TSC22D4: variants seen among roughly 807,000 people sequenced by gnomAD.
TSC22D4 encodes the protein TSC22 domain family protein 4.
TSC22D4 carries 5 observed loss-of-function variants against 24.9 expected under a neutral mutation model. The observed-to-expected ratio is 0.20, with a 90% confidence interval of 0.10 to 0.42. TSC22D4 has a LOEUF of 0.42. TSC22D4 is among the 10% of genes least tolerant of loss of function. The probability of loss-of-function intolerance (pLI) is 1.00; values close to 1 mark genes in which losing one functional copy is unlikely to be tolerated. For synonymous variants in TSC22D4, 245 were observed against 243.2 expected (o/e 1.01, Z -0.07); for missense variants, 469 against 547.9 (o/e 0.86, Z 1.44).
Position 100,474,391 on chromosome 7 carries a change from T to A in TSC22D4, c.812A>T (p.His271Leu). 6.2e-7 allele frequency: 1 copy of A among 1,613,898 alleles called. No individual in the cohort carries two copies. The highest frequency in any genetic ancestry group is 8.5e-7 in the Non-Finnish European group (1 of 1,179,968). Residue 271 changes from histidine to leucine, a missense_variant, in exon 3 of 5, where the codon CAC (histidine) becomes CTC (leucine). By Grantham distance (99) the His-to-Leu change is moderately conservative. Coordinates refer to ENST00000300181, the MANE Select transcript of TSC22D4 (RefSeq NM_030935.5). The surrounding 1 kb of genome is among the most constrained non-coding windows in gnomAD (Gnocchi z 4.3). The stretch of plus-strand genomic sequence containing the variant: ...AGATTTGTGAACCAGGCTGGCATCG[T>A]GGGTGAAGTAGAGGGCTGGGGAGCT... The part of the protein sequence containing the change: ...RPSSPALYFT[H>L]DASLVHKSPD...
rs767760638 is a variant in TSC22D4, at chr7:100,466,944, T to C, written c.*15A>G. The C allele has an allele frequency of 2.4e-5, 36 of 1,531,434 alleles. No homozygotes were observed. The highest frequency in any genetic ancestry group is 3.0e-5 in the Non-Finnish European group (34 of 1,136,826). 94.9% of individuals were successfully genotyped at this position (1,531,434 alleles called of 1,614,324 possible). ...GCCGGGCAGCCCCAAAGGCACATTG[T>C]AAGGGAAGGGAGGCTCAGACGGAGG... is the stretch of plus-strand genomic sequence containing the variant. On this transcript the variant is annotated 3_prime_UTR_variant, in exon 5 of 5. Coordinates refer to ENST00000300181, the MANE Select transcript of TSC22D4 (RefSeq NM_030935.5).
chr7:100,477,780 G>T lies in TSC22D4; in HGVS notation c.259C>A (p.Arg87Ser), dbSNP rs370900478. ...LPHGLGEPYR[R>S]GRWTCVDVYE... is the part of the protein sequence containing the mutation. ...ACATCCACACACGTCCAGCGACCGCGGCGATAAGGCTCTCCCAGGCCGTGG... is the reference window on the plus strand; with the variant it reads ...ACATCCACACACGTCCAGCGACCGCTGCGATAAGGCTCTCCCAGGCCGTGG... The change falls in exon 2 of 5, where the codon CGC becomes AGC. Residue 87 changes from arginine to serine, a missense_variant. Physicochemically the swap from Arg to Ser is moderately radical, Grantham distance 110. Coordinates refer to ENST00000300181, the MANE Select transcript of TSC22D4 (RefSeq NM_030935.5). The surrounding 1 kb of genome is among the most constrained non-coding windows in gnomAD (Gnocchi z 7.8). 1 of 1,606,746 alleles carries T rather than the reference G, an allele frequency of 6.2e-7. No homozygotes were observed. The highest frequency in any genetic ancestry group is 1.1e-5 in the South Asian group (1 of 91,004).
intron 4 of TSC22D4, 147 bp downstream of exon 4, chr7:100,467,404 AG>A (rs1430646794): frequency 4.3e-6 from 4 of 931,138 alleles, no homozygotes; most frequent in Non-Finnish European, 6.8e-6. Context: ...TGGTGGCAGG[AG>A]GGGGCAGAGG....
At chr7:100,473,387 G>A (rs1483510358) in intron 3 of TSC22D4, among the ~76,000 whole-genome samples, 1 of 152,104 alleles carries the variant, frequency 6.6e-6, no homozygotes, top group Non-Finnish European at 1.5e-5. Context: ...TTTGTTAGGA[G>A]AGAAAGAGGG....
chr7:100,474,354 G>A lies in TSC22D4; in HGVS notation c.849C>T (p.Phe283=), dbSNP rs199747034. ...ASLVHKSPDP[F]GAVAAQKFSL... is the part of the protein sequence containing the mutation. ...TGAACTTCTGAGCTGCTACTGCTCC[G>A]AAGGGGTCTGGAGATTTGTGAACCA... Residue 283 remains phenylalanine (F), a synonymous_variant, in exon 3 of 5, where the codon TTC becomes TTT. Transcript: ENST00000300181. This position sits in a 1 kb window ranked among gnomAD's most constrained non-coding sequence, Gnocchi z 4.3. 8.7e-6 allele frequency: 14 copies of A among 1,614,128 alleles called. No homozygotes were observed. The African/African-American group carries it at 1.1e-4, about 12-fold the overall frequency.
At position 100,478,243 on chromosome 7, in the gene TSC22D4, G is replaced by T. The variant is rs1486791801; in HGVS notation, c.-205C>A. On this transcript the variant is annotated 5_prime_UTR_variant, in exon 2 of 5. Transcript: ENST00000300181. ...GAAGAGGAGAGGGGAGGTGGCGGGA[G>T]GGGGGAGCAGGGGCAGGTTTTTCCT... The T allele has an allele frequency of 1.6e-5, 9 of 556,154 alleles. 1 individual carries two copies. Among genetic ancestry groups the T allele is most frequent in the South Asian group, 1.6e-4 (7 of 43,988 alleles). The allele number at this position is 556,154 out of a possible 1,614,324, so 34.5% of individuals were successfully genotyped here. A position where few individuals can be genotyped will look rare whatever the true frequency, so the allele number is the denominator to read the frequency against.
chr7:100,469,051 C>A (rs1348461915), intron 3 of TSC22D4, among the ~76,000 whole-genome samples: 1 of 151,482 alleles, frequency 6.6e-6, no homozygotes, highest in East Asian at 1.9e-4. Flanking sequence ...CATGGTGAAA[C>A]CCTGGCTCTA....
intron 3 of TSC22D4, among the ~76,000 whole-genome samples, chr7:100,472,691 C>T (rs946211095): frequency 1.3e-5 from 2 of 152,134 alleles, no homozygotes; most frequent in South Asian, 4.1e-4. Flanking sequence ...GCAGAAGCCA[C>T]CCAGTCCTGC....
chr7:100,472,552 C>CG (rs1799412286), intron 3 of TSC22D4, among the ~76,000 whole-genome samples: 1 of 151,884 alleles, frequency 6.6e-6, no homozygotes, highest in Admixed American at 6.6e-5. Context: ...GTCCTCTTGC[C>CG]GGGGAACCTC....
intron 3 of TSC22D4, among the ~76,000 whole-genome samples, chr7:100,468,394 C>A (rs1205347736): frequency 6.6e-6 from 1 of 152,144 alleles, no homozygotes; most frequent in Admixed American, 6.5e-5. Flanking sequence ...CCACCTCCGA[C>A]CCCATTCTGT....
At chr7:100,470,496 G>C (rs984630994) in intron 3 of TSC22D4, among the ~76,000 whole-genome samples, 1 of 152,104 alleles carries the variant, frequency 6.6e-6, no homozygotes, top group Admixed American at 6.6e-5. Flanking sequence ...GGCAAAATGG[G>C]GTTTCACCAT....
At position 100,477,999 on chromosome 7, in the gene TSC22D4, T is replaced by C. The variant is rs1479988453; in HGVS notation, c.40A>G (p.Ser14Gly). 1 of 1,588,596 alleles carries C rather than the reference T, an allele frequency of 6.3e-7. No homozygotes were observed. The highest frequency in any genetic ancestry group is 2.3e-5 in the East Asian group (1 of 43,988). ...GGGCCCTCATAGTCCGTGGTGACGC[T>C]GGTGATTTGGAAACTACTCTTCTTC... ...GKKKSSFQITSVTTDYEGPGS... is the reference protein window; with the variant it reads ...GKKKSSFQITGVTTDYEGPGS... Residue 14 changes from serine to glycine, a missense_variant, in exon 2 of 5, where the codon AGC becomes GGC. Ser to Gly is a moderately conservative substitution (Grantham distance 56, BLOSUM62 0). Coordinates refer to ENST00000300181, the MANE Select transcript of TSC22D4 (RefSeq NM_030935.5). The surrounding 1 kb of genome is among the most constrained non-coding windows in gnomAD (Gnocchi z 7.8).
At position 100,474,450 on chromosome 7, in the gene TSC22D4, G is replaced by A. The variant is rs761232610; in HGVS notation, c.763-10C>T. On this transcript the variant is annotated splice_polypyrimidine_tract_variant and intron_variant, in intron 2 of 4. Transcript: ENST00000300181. The surrounding 1 kb of genome is among the most constrained non-coding windows in gnomAD (Gnocchi z 4.3). Reference sequence around the variant, plus strand: ...AGTCAAGTGGGGGCACCTGGAGGCGGAGAGGTAGGAACCATCACATGAAAA... The same window carrying A: ...AGTCAAGTGGGGGCACCTGGAGGCGAAGAGGTAGGAACCATCACATGAAAA... 43 of 1,613,644 alleles carry A rather than the reference G, an allele frequency of 2.7e-5. No individual in the cohort carries two copies. The highest frequency in any genetic ancestry group is 3.6e-5 in the Non-Finnish European group (43 of 1,179,962).
intron 4 of TSC22D4, 141 bp from the exon 5 acceptor site, chr7:100,467,309 G>A (rs931059594): frequency 2.1e-5 from 20 of 959,364 alleles, no homozygotes; most frequent in Admixed American, 1.4e-4. Flanking sequence ...GGAAAAGGAC[G>A]AGGGACAGAG....
chr7:100,473,913 C>CGG (rs1219185823), intron 3 of TSC22D4: 5 of 214,032 alleles, frequency 2.3e-5, no homozygotes, highest in Non-Finnish European at 3.9e-5. Flanking sequence ...CACTGTGCCC[C>CGG]GGCCTGATTT....
rs756943896 is a variant in TSC22D4 at position 100,477,412 on chromosome 7, A to G, written c.627T>C (p.Ala209=). 100 of 1,594,524 alleles carry G rather than the reference A, an allele frequency of 6.3e-5. No homozygotes were observed. The highest frequency in any genetic ancestry group is 8.2e-5 in the Non-Finnish European group (96 of 1,169,850). The change falls in exon 2 of 5, where the codon GCT becomes GCC. Residue 209 remains alanine (A), a synonymous_variant. Transcript: ENST00000300181. The surrounding 1 kb of genome is among the most constrained non-coding windows in gnomAD (Gnocchi z 7.8). The part of the protein sequence containing the change: ...ETGESAGTSR[A]ATPLPSLRVE... ...CCCTCAGAGAGGGCAGGGGCGTGGC[A>G]GCCCGGGATGTGCCCGCACTCTCAC... is the stretch of plus-strand genomic sequence containing the variant.
chr7:100,475,172 C>G (rs902912738), intron 2 of TSC22D4, among the ~76,000 whole-genome samples: 1 of 152,232 alleles, frequency 6.6e-6, no homozygotes, highest in African/African-American at 2.4e-5. Context: ...TAACCTATGC[C>G]TTCCAGGTTA....
At position 100,477,923 on chromosome 7, in the gene TSC22D4, G is replaced by T. The variant is rs1344902105; in HGVS notation, c.116C>A (p.Pro39His). 3.2e-6 allele frequency: 5 copies of T among 1,553,170 alleles called. No homozygotes were observed. The highest frequency in any genetic ancestry group is 2.7e-5 in the African/African-American group (2 of 73,632). The change falls in exon 2 of 5, where the codon CCC (proline) becomes CAC (histidine). Residue 39 changes from proline to histidine, a missense_variant. Pro to His is a moderately conservative substitution (Grantham distance 77). Coordinates refer to ENST00000300181, the MANE Select transcript of TSC22D4 (RefSeq NM_030935.5). This position sits in a 1 kb window ranked among gnomAD's most constrained non-coding sequence, Gnocchi z 7.8. ...CTCCCCATTGGGCAGGCGGGGCGGG[G>T]GCCCGGTTGGGGGCTGTGGGGTAGG... is the stretch of plus-strand genomic sequence containing the variant. ...DPPTPQPPTG[P>H]PPRLPNGEPS...
chr7:100,467,891 G>A (rs571762897), intron 3 of TSC22D4: 20 of 612,796 alleles, frequency 3.3e-5, no homozygotes, highest in South Asian at 2.9e-4. Flanking sequence ...CCCACCACTC[G>A]GGTCTCATAA....
Sources: gnomAD v4.1 joint callset for allele counts (sites outside exome capture counted in the v4.1 genomes callset) on GRCh38, gnomAD v4.1.1 for gene constraint, Gnocchi (gnomAD v3.1) non-coding constraint, MANE v1.5 for transcripts, NCBI Gene and HGNC (gene_info 2026-07-23, HGNC 2026-07-21) for gene names.